Variants in TBC1D32 observed in about 807,000 individuals in gnomAD.
TBC1D32 encodes the protein protein broad-minded.
Under a neutral mutation model 170.3 loss-of-function variants are expected in TBC1D32, and 151 were observed. That is an observed-to-expected ratio of 0.89 (90% CI 0.78 to 1.01). TBC1D32 has a LOEUF of 1.01. TBC1D32 is among the 50% of genes least tolerant of loss of function. The pLI is 0.00. For missense variants in TBC1D32, 1,464 were observed against 1,457.1 expected, an observed-to-expected ratio of 1.00 and a Z score of -0.08; for synonymous variants, 498 against 488.0, an observed-to-expected ratio of 1.02 and a Z score of -0.27.
intron 31 of TBC1D32, among the ~76,000 whole-genome samples, chr6:121,089,724 GGTATT>G (rs1776612465): frequency 6.6e-6 from 1 of 151,792 alleles, no homozygotes; most frequent in Non-Finnish European, 1.5e-5. Flanking sequence ...AATGATCAAT[GGTATT>G]TATTTAAAGA....
chr6:121,296,445 A>G (rs1233081831), intron 10 of TBC1D32, among the ~76,000 whole-genome samples: 2 of 152,122 alleles, frequency 1.3e-5, no homozygotes, highest in Non-Finnish European at 2.9e-5. Flanking sequence ...CATTTCAAAT[A>G]TGATTAAACC....
rs754601123 is a variant in TBC1D32, at chr6:121,242,280, C to A, written c.2078G>T (p.Gly693Val). The A allele has an allele frequency of 3.7e-6, 6 of 1,612,708 alleles. No homozygotes were observed. The highest frequency in any genetic ancestry group is 5.1e-6 in the Non-Finnish European group (6 of 1,179,264). ...DLLHFAATPK[G>V]LLLLQRTGAI... Reference sequence around the variant, plus strand: ...ACCTGTTCTTTGAAGAAGTAGTAATCCTTTGGGGGTGGCAGCAAAATGTAG... The same window carrying A: ...ACCTGTTCTTTGAAGAAGTAGTAATACTTTGGGGGTGGCAGCAAAATGTAG... Residue 693 changes from glycine (G) to valine (V), a missense_variant, in exon 18 of 32, where the codon GGA becomes GTA. Gly to Val is a moderately radical substitution (Grantham distance 109, BLOSUM62 -3). Around this residue, in one of 3 missense-constraint regions of TBC1D32, gnomAD observed 1,363 missense variants for 1,338.1 expected, o/e 1.02. Coordinates refer to ENST00000398212, the MANE Select transcript of TBC1D32 (RefSeq NM_152730.6).
chr6:121,135,169 G>C (rs896816620), intron 24 of TBC1D32, among the ~76,000 whole-genome samples: 27 of 152,046 alleles, frequency 1.8e-4, no homozygotes, highest in African/African-American at 6.3e-4. Flanking sequence ...CTTTGATATG[G>C]AGACATGAGG....
At chr6:121,128,429 G>T (rs1005567520) in intron 25 of TBC1D32, among the ~76,000 whole-genome samples, 3 of 152,062 alleles carry the variant, frequency 2.0e-5, no homozygotes, top group African/African-American at 7.2e-5. Flanking sequence ...CAGCCTCACT[G>T]TCAACCCACT....
At chr6:121,211,567 T>C (rs1461846100) in intron 21 of TBC1D32, among the ~76,000 whole-genome samples, 1 of 152,210 alleles carries the variant, frequency 6.6e-6, no homozygotes, top group Non-Finnish European at 1.5e-5. Flanking sequence ...CATATGATGT[T>C]TGGTTTTCCA....
intron 15 of TBC1D32, among the ~76,000 whole-genome samples, chr6:121,268,151 G>T (rs1271694695): frequency 6.6e-6 from 1 of 151,908 alleles, no homozygotes; most frequent in African/African-American, 2.4e-5. Context: ...ACAAAGATGG[G>T]GAGAAACCAG....
intron 15 of TBC1D32, among the ~76,000 whole-genome samples, chr6:121,257,030 C>T (rs374763549): frequency 4.6e-5 from 7 of 152,140 alleles, no homozygotes; most frequent in African/African-American, 1.7e-4. Flanking sequence ...TCAGAATTTA[C>T]ACAAGTTCAA....
In TBC1D32 at chr6:121,255,399, T is replaced by C. The variant is rs1177690301; in HGVS notation, c.1947A>G (p.Leu649=). Residue 649 remains leucine, a synonymous_variant, in exon 17 of 32, where the codon CTA becomes CTG. Transcript: ENST00000398212. ...CTACTGGAGTAGGAATTCTTTCTGA[T>C]AGCAAACTTGTCTAAAAAATAGTAG... ...IAKAWKKTSL[L]SERIPTPVEG... is the part of the protein sequence containing the mutation. 2 of 1,484,908 alleles carry C rather than the reference T, an allele frequency of 1.3e-6. No homozygotes were observed. The highest frequency in any genetic ancestry group is 8.9e-7 in the Non-Finnish European group (1 of 1,118,914). The allele number at this position is 1,484,908 out of a possible 1,614,324, so 92.0% of individuals were successfully genotyped here.
At chr6:121,162,321 T>G (rs1406909437) in intron 22 of TBC1D32, among the ~76,000 whole-genome samples, 1 of 152,204 alleles carries the variant, frequency 6.6e-6, no homozygotes. Flanking sequence ...GTTTTTATAG[T>G]TTTGGGTTTT....
chr6:121,263,265 G>C (rs554178706), intron 15 of TBC1D32, among the ~76,000 whole-genome samples: 14 of 151,482 alleles, frequency 9.2e-5, no homozygotes, highest in Non-Finnish European at 1.3e-4. Flanking sequence ...CAAATGGAGA[G>C]CAGAAAAAAA....
chr6:121,308,035 A>G lies in TBC1D32; in HGVS notation c.631T>C (p.Trp211Arg). ...PPSDVLNCEN[W>R]TTLCEKLTVS... The stretch of plus-strand genomic sequence containing the variant: ...GTCAGTTTTTCGCAGAGAGTAGTCC[A>G]ATTTTCACAGTTGAGGACATCAGAT... The change falls in exon 5 of 32, where the codon TGG (tryptophan) becomes CGG (arginine). Residue 211 changes from tryptophan (W) to arginine (R), a missense_variant. Transcript: ENST00000398212. 1 of 1,613,912 alleles carries G rather than the reference A, an allele frequency of 6.2e-7. No homozygotes were observed. Among genetic ancestry groups the G allele is most frequent in the Non-Finnish European group, 8.5e-7 (1 of 1,179,878 alleles).
At chr6:121,295,545 T>C (rs562185287) in intron 10 of TBC1D32, among the ~76,000 whole-genome samples, 1 of 152,154 alleles carries the variant, frequency 6.6e-6, no homozygotes, top group Non-Finnish European at 1.5e-5. Context: ...TTAAACTCTT[T>C]TTCAGCTAAG....
intron 11 of TBC1D32, among the ~76,000 whole-genome samples, chr6:121,293,718 T>A (rs1805206177): frequency 6.6e-6 from 1 of 152,220 alleles, no homozygotes; most frequent in Admixed American, 6.5e-5. Context: ...AAGAGCAGCC[T>A]GGCCAGCACA....
chr6:121,161,621 T>C (rs1039253778), intron 22 of TBC1D32, among the ~76,000 whole-genome samples: 2 of 152,224 alleles, frequency 1.3e-5, no homozygotes, highest in Non-Finnish European at 2.9e-5. Flanking sequence ...GTCTTTGCTA[T>C]TGTGAATAGT....
chr6:121,293,308 T>C (rs1805146531), intron 11 of TBC1D32, among the ~76,000 whole-genome samples: 1 of 152,170 alleles, frequency 6.6e-6, no homozygotes, highest in South Asian at 2.1e-4. Flanking sequence ...AACTTATATG[T>C]CCTTTTCCTT....
chr6:121,334,494 C>A (rs1811631104), upstream of TBC1D32: 7 of 1,512,924 alleles, frequency 4.6e-6, no homozygotes, highest in African/African-American at 2.8e-5. Context: ...GCACTGCGCA[C>A]GCGCACGCGC....
At chr6:121,212,998 C>A (rs1793284216) in intron 21 of TBC1D32, among the ~76,000 whole-genome samples, 1 of 152,150 alleles carries the variant, frequency 6.6e-6, no homozygotes, top group African/African-American at 2.4e-5. Context: ...TAAACTTCAA[C>A]ATCCTTCGTG....
At chr6:121,160,468 T>G (rs1166318706) in intron 23 of TBC1D32, among the ~76,000 whole-genome samples, 1 of 152,116 alleles carries the variant, frequency 6.6e-6, no homozygotes, top group Non-Finnish European at 1.5e-5. Flanking sequence ...GTCATTTCTA[T>G]CTTATCTTTC....
chr6:121,287,221 A>T (rs1804008224), intron 12 of TBC1D32, among the ~76,000 whole-genome samples: 2 of 152,236 alleles, frequency 1.3e-5, no homozygotes, highest in African/African-American at 4.8e-5. Context: ...TTAGATAAGG[A>T]GTCAAGGCCC....
Sources: gnomAD v4.1 joint callset for allele counts (sites outside exome capture counted in the v4.1 genomes callset) on GRCh38, gnomAD v4.1.1 for gene constraint, gnomAD v4.1.1 regional missense constraint, MANE v1.5 for transcripts, NCBI Gene and HGNC (gene_info 2026-07-23, HGNC 2026-07-21) for gene names.